The following SEMA3D variants were observed in gnomAD, a reference collection of about 807,000 sequenced individuals.
SEMA3D encodes the protein semaphorin-3D.
A neutral mutation model predicts 100.1 loss-of-function variants in SEMA3D; 84 were observed. The ratio of observed to expected loss-of-function variants is 0.84; its 90% CI spans 0.70 to 1.01. The LOEUF is 1.01. Among genes scored for constraint, SEMA3D ranks in the 50% least tolerant of loss-of-function variants. The pLI, the probability that SEMA3D is intolerant of heterozygous loss-of-function variation, is 0.00. For synonymous variants in SEMA3D, 312 were observed against 320.7 expected, an observed-to-expected ratio of 0.97 and a Z score of 0.29; for missense variants, 875 against 934.1, an observed-to-expected ratio of 0.94 and a Z score of 0.82.
At chr7:85,029,052 CA>C (rs1790471532) in intron 12 of SEMA3D, 1 of 496,136 alleles carries the variant, frequency 2.0e-6, no homozygotes. Flanking sequence ...CTGATGGAGT[CA>C]TGGCTGTCCT....
intron 2 of SEMA3D, among the ~76,000 whole-genome samples, chr7:85,150,487 T>TACACAC (rs373484834): frequency 2.2e-5 from 3 of 135,972 alleles, no homozygotes; most frequent in African/African-American, 5.4e-5. Flanking sequence ...TATATATATA[T>TACACAC]ACACACACAC....
intron 17 of SEMA3D, among the ~76,000 whole-genome samples, chr7:85,010,140 G>A (rs749464864): frequency 4.0e-5 from 6 of 151,710 alleles, no homozygotes; most frequent in Non-Finnish European, 7.4e-5. Flanking sequence ...CAGGTACAGA[G>A]GACAATGAAT....
At chr7:85,018,056 A>G (rs1392867170) in intron 15 of SEMA3D, among the ~76,000 whole-genome samples, 196 bp downstream of exon 15, 1 of 151,800 alleles carries the variant, frequency 6.6e-6, no homozygotes, top group Admixed American at 6.6e-5. Context: ...GCATCATTCA[A>G]TTAATAAAAT....
At chr7:85,065,626 A>C in intron 7 of SEMA3D, 74 bp from the exon 8 acceptor site, 4 of 1,049,834 alleles carry the variant, frequency 3.8e-6, no homozygotes, top group Non-Finnish European at 4.3e-6. Flanking sequence ...TACAAATTTC[A>C]CAGCATGACA....
intron 2 of SEMA3D, among the ~76,000 whole-genome samples, chr7:85,128,143 ATTTATTTTATTTTATTTTATTAT>A (rs1297824756): frequency 2.0e-5 from 3 of 151,330 alleles, no homozygotes; most frequent in Non-Finnish European, 4.4e-5. Flanking sequence ...CTATGTTTTT[ATTTATTTTATTTTATTTTATTAT>A]TTTATTTTAT....
intron 11 of SEMA3D, among the ~76,000 whole-genome samples, chr7:85,038,381 A>C (rs571108973): frequency 3.3e-5 from 5 of 152,290 alleles, no homozygotes; most frequent in Non-Finnish European, 7.4e-5. Context: ...AAATCACAGA[A>C]TCTGCCTAGG....
intron 1 of SEMA3D, chr7:85,181,699 G>A (rs975113171): frequency 1.4e-6 from 1 of 695,380 alleles, no homozygotes; most frequent in African/African-American, 1.9e-5. Flanking sequence ...ATGGAAAAAG[G>A]AGGGGAGAAA....
intron 4 of SEMA3D, among the ~76,000 whole-genome samples, chr7:85,096,982 G>C (rs929074212): frequency 2.0e-5 from 3 of 151,478 alleles, no homozygotes; most frequent in Non-Finnish European, 4.4e-5. Context: ...GACAAAGATG[G>C]GTTAAAAAGA....
rs558599257 is a variant in SEMA3D at position 85,097,821 on chromosome 7, T to C, written c.296A>G (p.Asn99Ser). ...TATACTGACCTTCTTAAAATTTTTG[T>C]TTAAGTCAACCAGACTGAGTAGAAA... ...HIFLLSLVDL[N>S]KNFKKIYWPA... is the part of the protein sequence containing the mutation. Residue 99 changes from asparagine to serine, a missense_variant, in exon 4 of 19, where the codon AAC becomes AGC. Physicochemically the swap from Asn to Ser is conservative, Grantham distance 46. Transcript: ENST00000284136. The C allele has an allele frequency of 2.4e-5, 39 of 1,597,100 alleles. No homozygotes were observed. In the African/African-American group the frequency reaches 4.7e-4, roughly 19 times the overall value.
intron 3 of SEMA3D, among the ~76,000 whole-genome samples, chr7:85,114,676 A>T (rs1389640659): frequency 6.6e-6 from 1 of 152,166 alleles, no homozygotes; most frequent in Non-Finnish European, 1.5e-5. Flanking sequence ...AAAATTATAA[A>T]TTTGAAACGA....
chr7:85,032,243 T>C (rs925981207), intron 12 of SEMA3D, among the ~76,000 whole-genome samples: 3 of 151,982 alleles, frequency 2.0e-5, no homozygotes, highest in Non-Finnish European at 4.4e-5. Context: ...TGATTTAATG[T>C]GTAGTGTTAT....
intron 9 of SEMA3D, among the ~76,000 whole-genome samples, chr7:85,052,058 T>C (rs1791180749): frequency 6.6e-6 from 1 of 151,884 alleles, no homozygotes; most frequent in Non-Finnish European, 1.5e-5. Context: ...AGGCAAACAA[T>C]AAAAGAGCAG....
intron 4 of SEMA3D, among the ~76,000 whole-genome samples, chr7:85,092,579 T>A (rs1391992342): frequency 6.6e-6 from 1 of 152,042 alleles, no homozygotes; most frequent in African/African-American, 2.4e-5. Context: ...AAGATATATA[T>A]TAAATGATGC....
rs535399000 is a variant in SEMA3D at position 84,996,021 on chromosome 7, G to A, written c.*3419C>T. The A allele has an allele frequency of 6.7e-6, 1 of 149,268 alleles. No homozygotes were observed. Among genetic ancestry groups the A allele is most frequent in the African/African-American group, 2.5e-5 (1 of 40,512 alleles). 9.2% of individuals were successfully genotyped at this position (149,268 alleles called of 1,614,324 possible). On this transcript the variant is annotated 3_prime_UTR_variant, in exon 19 of 19. Transcript: ENST00000284136. ...TTTCTAAATTATCCATTCCCAATAA[G>A]GTTAACCAATTCCAAAATGTTTTCT...
chr7:85,241,412 T>C, the SEMA3D span, among the ~76,000 whole-genome samples: 1 of 145,532 alleles, frequency 6.9e-6, no homozygotes, highest in Non-Finnish European at 1.5e-5. Context: ...TGCAAAAATA[T>C]GGAACCAACC....
intron 12 of SEMA3D, among the ~76,000 whole-genome samples, chr7:85,031,988 A>G (rs774718267): frequency 6.6e-6 from 1 of 152,006 alleles, no homozygotes; most frequent in Non-Finnish European, 1.5e-5. Context: ...ATATTAGGAA[A>G]TAAGTGCATA....
chr7:85,004,835 A>G (rs573853783), intron 18 of SEMA3D, among the ~76,000 whole-genome samples: 3 of 152,206 alleles, frequency 2.0e-5, no homozygotes, highest in African/African-American at 7.2e-5. Flanking sequence ...AAGATAAATG[A>G]AAATACCAGT....
At chr7:85,230,824 T>C in the SEMA3D span, among the ~76,000 whole-genome samples, 42 of 152,300 alleles carry the variant, frequency 2.8e-4, no homozygotes, top group African/African-American at 9.1e-4. Flanking sequence ...CTGCTTCCTC[T>C]CCATGTCGAA....
intron 12 of SEMA3D, among the ~76,000 whole-genome samples, chr7:85,031,908 C>A (rs1168341829): frequency 1.3e-5 from 2 of 151,602 alleles, no homozygotes; most frequent in Admixed American, 6.6e-5. Flanking sequence ...AGAAAGAATG[C>A]CAGGAAATAA....
Sources: allele counts gnomAD v4.1 joint callset (sites outside exome capture counted in the v4.1 genomes callset), GRCh38; gene constraint gnomAD v4.1.1; transcripts MANE v1.5; gene names NCBI Gene and HGNC (gene_info 2026-07-23, HGNC 2026-07-21).